Variants in FNDC1 observed in about 807,000 individuals in gnomAD.
FNDC1 encodes the protein fibronectin type III domain containing 1, also known as fibronectin type III domain-containing protein 1.
Under a neutral mutation model 168.0 loss-of-function variants are expected in FNDC1, and 96 were observed. That is an observed-to-expected ratio of 0.57 (90% CI 0.48 to 0.68). The LOEUF (loss-of-function observed/expected upper bound fraction) is 0.68. FNDC1 is among the 30% of genes least tolerant of loss of function. FNDC1 has a pLI of 0.00. For missense variants in FNDC1, 2,587 were observed against 2,482.1 expected, an observed-to-expected ratio of 1.04 and a Z score of -0.90; for synonymous variants, 1,099 against 1,025.9, an observed-to-expected ratio of 1.07 and a Z score of -1.36.
intron 1 of FNDC1, among the ~76,000 whole-genome samples, chr6:159,176,577 G>A (rs1004832254): frequency 6.6e-6 from 1 of 152,220 alleles, no homozygotes; most frequent in Admixed American, 6.5e-5. Flanking sequence ...GAAGTCATGT[G>A]CAAGGAACCA....
intron 1 of FNDC1, among the ~76,000 whole-genome samples, chr6:159,182,927 C>A (rs1438988327): frequency 6.6e-6 from 1 of 152,148 alleles, no homozygotes; most frequent in African/African-American, 2.4e-5. Context: ...AGTATGTTTT[C>A]CAAGATGGAA....
At chr6:159,203,128 C>T (rs1388053841) in intron 4 of FNDC1, among the ~76,000 whole-genome samples, 2 of 152,166 alleles carry the variant, frequency 1.3e-5, no homozygotes, top group Non-Finnish European at 2.9e-5. Flanking sequence ...GATGAGGCCC[C>T]AGCCTAATGG....
At chr6:159,207,913 C>CTCTTCGCTT (rs1782522533) in intron 4 of FNDC1, among the ~76,000 whole-genome samples, 1 of 152,246 alleles carries the variant, frequency 6.6e-6, no homozygotes, top group African/African-American at 2.4e-5. Context: ...AACACTCCTT[C>CTCTTCGCTT]TCTTCGCTTA....
intron 1 of FNDC1, among the ~76,000 whole-genome samples, chr6:159,183,958 C>T (rs1217638039): frequency 6.6e-6 from 1 of 152,176 alleles, no homozygotes; most frequent in Non-Finnish European, 1.5e-5. Context: ...TGGGTTTATA[C>T]TTATTGCTTT....
chr6:159,248,571 T>C (rs1414992537), intron 15 of FNDC1, among the ~76,000 whole-genome samples: 1 of 152,172 alleles, frequency 6.6e-6, no homozygotes, highest in African/African-American at 2.4e-5. Context: ...CCCAAAGTGC[T>C]GGGATTACAG....
chr6:159,263,011 G>A (rs1424032750), intron 19 of FNDC1, among the ~76,000 whole-genome samples: 1 of 152,230 alleles, frequency 6.6e-6, no homozygotes, highest in Non-Finnish European at 1.5e-5. Context: ...TATGGCATTT[G>A]CCAAACATAA....
chr6:159,173,498 T>C (rs1781704095), intron 1 of FNDC1, among the ~76,000 whole-genome samples: 1 of 152,218 alleles, frequency 6.6e-6, no homozygotes, highest in Non-Finnish European at 1.5e-5. Context: ...TCATGAAATT[T>C]ATTCCTGTGG....
At chr6:159,256,689 C>A in intron 18 of FNDC1, 58 bp downstream of exon 18, 1 of 1,319,584 alleles carries the variant, frequency 7.6e-7, no homozygotes, top group Non-Finnish European at 1.1e-6. Context: ...TGCTGATTTG[C>A]TTTGGTTGGA....
At chr6:159,188,537 G>A (rs112319324) in intron 1 of FNDC1, among the ~76,000 whole-genome samples, 3,188 of 149,220 alleles carry the variant, frequency 0.021, 119 homozygotes, top group African/African-American at 0.074. Flanking sequence ...ACCAGGCCCG[G>A]CTAATTTTTT....
chr6:159,210,148 C>G (rs1782569283), intron 4 of FNDC1, among the ~76,000 whole-genome samples: 1 of 152,204 alleles, frequency 6.6e-6, no homozygotes, highest in South Asian at 2.1e-4. Context: ...TGCTGCCCAC[C>G]ACATCCTTCG....
At chr6:159,204,691 G>T (rs891755915) in intron 4 of FNDC1, among the ~76,000 whole-genome samples, 2 of 152,344 alleles carry the variant, frequency 1.3e-5, no homozygotes, top group African/African-American at 4.8e-5. Context: ...TGTCTGCCAT[G>T]CTGATGGCTG....
chr6:159,233,794 C>T lies in FNDC1; in HGVS notation c.3282C>T (p.Pro1094=), dbSNP rs1027595758. 1.3e-6 allele frequency: 2 copies of T among 1,537,548 alleles called. No homozygotes were observed. Among genetic ancestry groups the T allele is most frequent in the Admixed American group, 4.1e-5 (2 of 48,872 alleles). ...TEVEAQDVRA[P]AHAARAKEAA... ...TCGAGGCCCAGGATGTGCGGGCCCC[C>T]GCGCACGCCGCGCGCGCCAAGGAGG... Residue 1094 remains proline (P), a synonymous_variant, in exon 11 of 23, where the codon CCC becomes CCT. Transcript: ENST00000297267. This position sits in a 1 kb window ranked among gnomAD's most constrained non-coding sequence, Gnocchi z 4.6.
chr6:159,239,009 T>C (rs182808912), intron 13 of FNDC1, among the ~76,000 whole-genome samples: 1 of 152,344 alleles, frequency 6.6e-6, no homozygotes, highest in East Asian at 1.9e-4. Flanking sequence ...TTTTAAATGA[T>C]TGCCAGAAAA....
intron 12 of FNDC1, 150 bp from the exon 13 acceptor site, chr6:159,238,404 C>A: frequency 1.7e-6 from 1 of 579,060 alleles, no homozygotes; most frequent in South Asian, 2.5e-5. Context: ...CTTTTTAAGA[C>A]TTTATGAATG....
At chr6:159,188,399 G>C (rs1210979566) in intron 1 of FNDC1, among the ~76,000 whole-genome samples, 2 of 136,412 alleles carry the variant, frequency 1.5e-5, no homozygotes, top group Non-Finnish European at 3.1e-5. Flanking sequence ...TTTTGAGACA[G>C]AGTCTTGCTC....
chr6:159,267,286 T>A (rs1777611991), intron 21 of FNDC1, among the ~76,000 whole-genome samples: 1 of 152,160 alleles, frequency 6.6e-6, no homozygotes, highest in Non-Finnish European at 1.5e-5. Flanking sequence ...TCAGAATTCC[T>A]AGGAGAGGCT....
intron 1 of FNDC1, among the ~76,000 whole-genome samples, chr6:159,193,214 T>TTTAGCTTC (rs1370334340): frequency 6.6e-6 from 1 of 152,124 alleles, no homozygotes; most frequent in Non-Finnish European, 1.5e-5. Context: ...AAATCAGGGT[T>TTTAGCTTC]TTAGCTTCTT....
At chr6:159,219,531 C>G (rs1419697366) in intron 5 of FNDC1, among the ~76,000 whole-genome samples, 2 of 152,122 alleles carry the variant, frequency 1.3e-5, no homozygotes, top group African/African-American at 4.8e-5. Context: ...TGGGTGGGCC[C>G]GCTTCCTTGT....
In FNDC1 at chr6:159,268,039, T is replaced by C. The variant is rs1777626633; in HGVS notation, c.5569+113T>C. On this transcript the variant is annotated intron_variant, in intron 22 of 22. Transcript: ENST00000297267. ...TGCCTTGTCATTCGAAGATGGATGT[T>C]GGGAGCACTTAAGGTCATAAAAATA... 3 of 1,105,956 alleles carry C rather than the reference T, an allele frequency of 2.7e-6. No individual in the cohort carries two copies. In the South Asian group the frequency reaches 4.3e-5, roughly 16 times the overall value. The allele number at this position is 1,105,956 out of a possible 1,614,324, so 68.5% of individuals were successfully genotyped here. A position where few individuals can be genotyped will look rare whatever the true frequency, so the allele number is the denominator to read the frequency against.
Sources: allele counts gnomAD v4.1 joint callset (sites outside exome capture counted in the v4.1 genomes callset), GRCh38; gene constraint gnomAD v4.1.1; non-coding constraint Gnocchi (gnomAD v3.1); transcripts MANE v1.5; gene names NCBI Gene and HGNC (gene_info 2026-07-23, HGNC 2026-07-21).